Variants in ARSB observed in about 807,000 individuals in gnomAD.
ARSB encodes N-acetylgalactosamine-4-sulfatase.
A neutral mutation model predicts 50.9 loss-of-function variants in ARSB; 41 were observed. That is an observed-to-expected ratio of 0.81 (90% CI 0.63 to 1.04). The LOEUF (loss-of-function observed/expected upper bound fraction) is 1.04, where lower values mean the gene tolerates loss of function less well. ARSB is among the 50% of genes least tolerant of loss of function. The pLI is 0.00. For missense variants in ARSB, 672 were observed against 693.3 expected, an observed-to-expected ratio of 0.97 and a Z score of 0.35; for synonymous variants, 269 against 284.8, an observed-to-expected ratio of 0.94 and a Z score of 0.56.
At chr5:78,866,338 G>A (rs1188451961) in intron 5 of ARSB, among the ~76,000 whole-genome samples, 1 of 152,108 alleles carries the variant, frequency 6.6e-6, no homozygotes, top group Admixed American at 6.5e-5. Context: ...GATCTTGTGA[G>A]CCCTATTCAC....
chr5:78,921,663 T>A (rs945720215), intron 4 of ARSB, among the ~76,000 whole-genome samples: 1 of 152,144 alleles, frequency 6.6e-6, no homozygotes, highest in African/African-American at 2.4e-5. Context: ...ACAGAAGAGA[T>A]CTGGAAAATT....
chr5:78,822,570 A>G (rs940683149), intron 6 of ARSB, among the ~76,000 whole-genome samples: 2 of 152,130 alleles, frequency 1.3e-5, no homozygotes, highest in African/African-American at 2.4e-5. Flanking sequence ...ATTATACATA[A>G]TCTCACCCTC....
chr5:78,791,380 A>G (rs1580972068), intron 6 of ARSB, among the ~76,000 whole-genome samples: 1 of 152,362 alleles, frequency 6.6e-6, no homozygotes, highest in East Asian at 1.9e-4. Flanking sequence ...TATTTACGCT[A>G]AAGTTCAGTT....
intron 5 of ARSB, among the ~76,000 whole-genome samples, chr5:78,881,328 A>G (rs2112193638): frequency 6.6e-6 from 1 of 152,278 alleles, no homozygotes; most frequent in South Asian, 2.1e-4. Context: ...GCTGAGAAAA[A>G]TATTTCTGAA....
intron 4 of ARSB, among the ~76,000 whole-genome samples, chr5:78,928,690 TC>T (rs1468510437): frequency 6.6e-6 from 1 of 152,174 alleles, no homozygotes; most frequent in Non-Finnish European, 1.5e-5. Flanking sequence ...CATCGAAGAA[TC>T]AAAAGAAAAC....
intron 4 of ARSB, among the ~76,000 whole-genome samples, chr5:78,924,694 C>A (rs539224074): frequency 6.6e-6 from 1 of 152,120 alleles, no homozygotes; most frequent in East Asian, 1.9e-4. Context: ...CTTTGAGTTA[C>A]GATTAAATCT....
chr5:78,826,501 A>T (rs1561442722), intron 6 of ARSB, among the ~76,000 whole-genome samples: 1 of 152,240 alleles, frequency 6.6e-6, no homozygotes, highest in Admixed American at 6.5e-5. Context: ...TGATAAATAA[A>T]TATTTAAAAA....
At chr5:78,886,641 A>G (rs551734085) in intron 4 of ARSB, among the ~76,000 whole-genome samples, 8 of 152,306 alleles carry the variant, frequency 5.3e-5, no homozygotes, top group African/African-American at 1.9e-4. Context: ...TAAAGTGGGC[A>G]GTAGAAAAGA....
intron 5 of ARSB, among the ~76,000 whole-genome samples, chr5:78,863,542 G>A (rs963602033): frequency 5.4e-5 from 8 of 149,420 alleles, no homozygotes; most frequent in Non-Finnish European, 1.0e-4. Context: ...TCACTCATAG[G>A]TGGGAATTGA....
chr5:78,831,633 G>A (rs139158952), intron 6 of ARSB, among the ~76,000 whole-genome samples: 3 of 152,248 alleles, frequency 2.0e-5, no homozygotes, highest in Non-Finnish European at 2.9e-5. Flanking sequence ...TGTACATGCC[G>A]GGTCTGAACA....
chr5:78,979,767 C>G (rs1752818774), intron 1 of ARSB, among the ~76,000 whole-genome samples: 1 of 152,144 alleles, frequency 6.6e-6, no homozygotes, highest in African/African-American at 2.4e-5. Flanking sequence ...AAGGAGAAGT[C>G]CTGCAACAAT....
intron 5 of ARSB, among the ~76,000 whole-genome samples, chr5:78,852,118 T>G (rs1311899119): frequency 8.5e-5 from 13 of 152,348 alleles, no homozygotes; most frequent in South Asian, 6.2e-4. Context: ...ATTAGCTGGT[T>G]ATTTTGCTCG....
chr5:78,865,398 C>T (rs1023060779), intron 5 of ARSB, among the ~76,000 whole-genome samples: 1 of 152,134 alleles, frequency 6.6e-6, no homozygotes, highest in Non-Finnish European at 1.5e-5. Context: ...GGCTGGGACA[C>T]AGGGCACCAA....
intron 5 of ARSB, among the ~76,000 whole-genome samples, chr5:78,852,956 G>T (rs56031188): frequency 4.6e-5 from 7 of 152,014 alleles, no homozygotes; most frequent in African/African-American, 9.7e-5. Flanking sequence ...TTATACATTC[G>T]TCTAAATTTT....
intron 6 of ARSB, among the ~76,000 whole-genome samples, chr5:78,784,582 G>A (rs1404372294): frequency 6.6e-6 from 1 of 152,120 alleles, no homozygotes; most frequent in African/African-American, 2.4e-5. Context: ...AGCAGGTATA[G>A]GACCATTTAG....
At chr5:78,796,263 A>G (rs1276327852) in intron 6 of ARSB, among the ~76,000 whole-genome samples, 1 of 152,282 alleles carries the variant, frequency 6.6e-6, no homozygotes, top group Non-Finnish European at 1.5e-5. Context: ...TATATGTGTT[A>G]GACACTAAAT....
chr5:78,882,073 C>T (rs902017129), intron 5 of ARSB, among the ~76,000 whole-genome samples: 13 of 152,256 alleles, frequency 8.5e-5, no homozygotes, highest in Non-Finnish European at 1.9e-4. Flanking sequence ...CCTCTCTGGG[C>T]ATGCATTCCT....
intron 5 of ARSB, among the ~76,000 whole-genome samples, chr5:78,860,714 G>A (rs940821004): frequency 4.6e-5 from 7 of 152,102 alleles, no homozygotes; most frequent in African/African-American, 1.7e-4. Flanking sequence ...AAAGAAGCAA[G>A]AGCAAACACA....
At chr5:78,886,326 TAACACTC>T (rs1718330904) in intron 4 of ARSB, among the ~76,000 whole-genome samples, 1 of 152,200 alleles carries the variant, frequency 6.6e-6, no homozygotes, top group East Asian at 1.9e-4. Context: ...GAAAATGAAT[TAACACTC>T]TACACTCTGG....
Sources: allele counts gnomAD v4.1 joint callset (sites outside exome capture counted in the v4.1 genomes callset), GRCh38; gene constraint gnomAD v4.1.1; transcripts MANE v1.5; gene names NCBI Gene and HGNC (gene_info 2026-07-23, HGNC 2026-07-21).